The following MEI1 variants were observed in gnomAD, a reference collection of about 807,000 sequenced individuals.
The protein encoded by MEI1 is meiosis inhibitor protein 1.
MEI1 carries 103 observed loss-of-function variants against 146.2 expected under a neutral mutation model. The observed-to-expected ratio is 0.70, with a 90% CI of 0.60 to 0.83. MEI1 has a LOEUF of 0.83. MEI1 is among the 40% of genes least tolerant of loss of function. MEI1 has a pLI of 0.00. For missense variants in MEI1, 1,529 were observed against 1,533.0 expected (o/e 1.00, Z 0.04); for synonymous variants, 652 against 628.2 (o/e 1.04, Z -0.57).
chr22:41,718,222 C>A lies in MEI1; in HGVS notation c.681C>A (p.Phe227Leu). ...GHFREKLFPL[F>L]LSILDGAQTK... is the part of the protein sequence containing the mutation. Reference sequence around the variant, plus strand: ...TCCGTGAGAAGCTTTTTCCCCTCTTCCTTTCCATCCTGGATGGTGCCCAGA... The same window carrying A: ...TCCGTGAGAAGCTTTTTCCCCTCTTACTTTCCATCCTGGATGGTGCCCAGA... The change falls in exon 6 of 31, where the codon TTC (phenylalanine) becomes TTA (leucine). Residue 227 changes from phenylalanine (F) to leucine (L), a missense_variant. Phe to Leu is a conservative substitution (Grantham distance 22, BLOSUM62 0). Transcript: ENST00000401548. 6.2e-7 allele frequency: 1 copy of A among 1,613,970 alleles called. No individual in the cohort carries two copies. The highest frequency in any genetic ancestry group is 2.2e-5 in the East Asian group (1 of 44,886).
chr22:41,770,902 A>G lies in MEI1; in HGVS notation c.2485A>G (p.Ser829Gly), dbSNP rs1238166528. ...TGCTGGGCAGCCCGCCCTTCCTGCC[A>G]GCTTAGTAGTCCTGTTCCAGTTGCT... The part of the protein sequence containing the change: ...TSAGQPALPA[S>G]LVVLFQLLRS... Residue 829 changes from serine to glycine, a missense_variant, in exon 20 of 31, where the codon AGC becomes GGC. Coordinates refer to ENST00000401548, the MANE Select transcript of MEI1 (RefSeq NM_152513.4). 6.2e-6 allele frequency: 10 copies of G among 1,613,920 alleles called. No individual in the cohort carries two copies. Among genetic ancestry groups the G allele is most frequent in the Admixed American group, 1.7e-5 (1 of 60,000 alleles).
intron 6 of MEI1, among the ~76,000 whole-genome samples, chr22:41,719,220 G>A (rs1004559506): frequency 3.3e-5 from 5 of 152,038 alleles, no homozygotes; most frequent in Non-Finnish European, 5.9e-5. Context: ...CTGACCTCGT[G>A]ATCCACCCGC....
chr22:41,745,005 C>T lies in MEI1; in HGVS notation c.1479C>T (p.Ala493=). Residue 493 remains alanine (A), a synonymous_variant, in exon 13 of 31, where the codon GCC becomes GCT. Transcript: ENST00000401548. The stretch of plus-strand genomic sequence containing the variant: ...CCTCCAGTAGAGATTCAGAGAAGGC[C>T]ATTCTTCAAAGGGGAAAGTTCCTCC... ...GHASSRDSEK[A]ILQRGKFLLS... The T allele has an allele frequency of 6.4e-7, 1 of 1,564,730 alleles. No homozygotes were observed. The highest frequency in any genetic ancestry group is 8.7e-7 in the Non-Finnish European group (1 of 1,154,058).
intron 14 of MEI1, among the ~76,000 whole-genome samples, chr22:41,746,336 G>A (rs1418553393): frequency 6.6e-6 from 1 of 152,136 alleles, no homozygotes; most frequent in African/African-American, 2.4e-5. Context: ...CTGGGAGATG[G>A]ATGCTATAAT....
At position 41,721,313 on chromosome 22, in the gene MEI1, C is replaced by T. The variant is rs1424231417; in HGVS notation, c.734-2630C>T. 2.0e-4 allele frequency among the ~76,000 whole-genome samples: 28 copies of T among 142,892 alleles called. 1 individual carries two copies. The highest frequency in any genetic ancestry group is 1.4e-3 in the Admixed American group (19 of 13,796). 93.7% of individuals were successfully genotyped at this position (142,892 alleles called of 152,430 possible). A position where few individuals can be genotyped will look rare whatever the true frequency, so the allele number is the denominator to read the frequency against. ...AGGCTGGAGTGCAATGGCACAATCT[C>T]GGCTCGCTGCAACCTCCGCCTCCCA... On this transcript the variant is annotated intron_variant, in intron 6 of 30. Transcript: ENST00000401548.
At chr22:41,739,213 A>G (rs1456274484) in intron 11 of MEI1, among the ~76,000 whole-genome samples, 1 of 151,950 alleles carries the variant, frequency 6.6e-6, no homozygotes, top group Non-Finnish European at 1.5e-5. Context: ...GACATTATTC[A>G]TTGACTTGCC....
chr22:41,748,679 A>G (rs970094074), intron 15 of MEI1, among the ~76,000 whole-genome samples: 3 of 152,208 alleles, frequency 2.0e-5, no homozygotes, highest in Non-Finnish European at 4.4e-5. Flanking sequence ...GGAATTGTCT[A>G]TTATGATTGT....
At chr22:41,734,851 G>A (rs1443337274) in intron 11 of MEI1, among the ~76,000 whole-genome samples, 3 of 151,944 alleles carry the variant, frequency 2.0e-5, no homozygotes, top group Admixed American at 6.6e-5. Flanking sequence ...TGGCCAGGGT[G>A]GTCTCGAACT....
chr22:41,723,218 GT>G (rs11285552), intron 6 of MEI1, among the ~76,000 whole-genome samples: 121,684 of 146,912 alleles, frequency 0.83, 51,125 homozygotes, highest in African/African-American at 0.95. Context: ...GTCTGACTTG[GT>G]TTTTTTTTTT....
Position 41,794,435 on chromosome 22 carries a change from G to T in MEI1, c.3492G>T (p.Glu1164Asp), listed in dbSNP as rs768434497. 25 of 1,613,886 alleles carry T rather than the reference G, an allele frequency of 1.5e-5. No individual in the cohort carries two copies. Among genetic ancestry groups the T allele is most frequent in the Non-Finnish European group, 2.1e-5 (25 of 1,179,894 alleles). ...TGTTTACCCTCTTGGATGCTGGAGA[G>T]AATTCCTTCCTCAGACCTGAGATTT... ...FLLFTLLDAG[E>D]NSFLRPEILR... The change falls in exon 28 of 31, where the codon GAG becomes GAT. Residue 1164 changes from glutamate (E) to aspartate (D), a missense_variant. By Grantham distance (45) the Glu-to-Asp change is conservative. Transcript: ENST00000401548.
rs945340103 is a variant in MEI1 at position 41,797,420 on chromosome 22, T to G, written c.3779+1573T>G. Among the ~76,000 whole-genome samples, 10 of 151,102 alleles carry G rather than the reference T, an allele frequency of 6.6e-5. No homozygotes were observed. In the East Asian group the frequency reaches 2.0e-3, roughly 31 times the overall value. On this transcript the variant is annotated intron_variant, in intron 30 of 30. Coordinates refer to ENST00000401548, the MANE Select transcript of MEI1 (RefSeq NM_152513.4). Reference sequence around the variant, plus strand: ...TGAGGTCAGGAGTTCAAGACCAGCCTGGCCAACATGGTGAAACCCTGTCTC... The same window carrying G: ...TGAGGTCAGGAGTTCAAGACCAGCCGGGCCAACATGGTGAAACCCTGTCTC...
At chr22:41,765,552 A>G (rs1254032774) in intron 19 of MEI1, among the ~76,000 whole-genome samples, 1 of 152,160 alleles carries the variant, frequency 6.6e-6, no homozygotes, top group African/African-American at 2.4e-5. Context: ...TTTCTACTCA[A>G]TTTTATTTTG....
intron 11 of MEI1, among the ~76,000 whole-genome samples, chr22:41,742,350 A>G (rs896813325): frequency 6.6e-6 from 1 of 152,174 alleles, no homozygotes; most frequent in African/African-American, 2.4e-5. Context: ...CTTATTACTT[A>G]TTGGAAAACA....
intron 11 of MEI1, among the ~76,000 whole-genome samples, chr22:41,739,538 AG>A (rs1188616574): frequency 6.6e-6 from 1 of 151,948 alleles, no homozygotes; most frequent in Non-Finnish European, 1.5e-5. Flanking sequence ...ATTTGACTCT[AG>A]GTTGGTTCTA....
intron 11 of MEI1, among the ~76,000 whole-genome samples, chr22:41,738,257 A>G (rs2072552180): frequency 6.6e-6 from 1 of 152,100 alleles, no homozygotes; most frequent in South Asian, 2.1e-4. Context: ...GATTGAGACC[A>G]TCCTGGCCAA....
chr22:41,736,735 A>G (rs570186723), intron 11 of MEI1, among the ~76,000 whole-genome samples: 1 of 152,112 alleles, frequency 6.6e-6, no homozygotes, highest in South Asian at 2.1e-4. Context: ...GATGTAGGGG[A>G]CCACCTGAAT....
rs950050045 is a variant in MEI1, at chr22:41,794,460, T to C, written c.3517T>C (p.Leu1173=). 1 of 1,613,688 alleles carries C rather than the reference T, an allele frequency of 6.2e-7. No homozygotes were observed. Among genetic ancestry groups the C allele is most frequent in the Non-Finnish European group, 8.5e-7 (1 of 1,179,600 alleles). ...GAATTCCTTCCTCAGACCTGAGATT[T>C]TGAGGCTCATGACCCTGGTAAGTGC... The part of the protein sequence containing the change: ...GENSFLRPEI[L]RLMTLFMRYR... The change falls in exon 28 of 31, where the codon TTG becomes CTG. Residue 1173 remains leucine (L), a synonymous_variant. Transcript: ENST00000401548.
rs150991180 is a variant in MEI1, at chr22:41,748,835, G to A, written c.1792+617G>A. On this transcript the variant is annotated intron_variant, in intron 15 of 30. Coordinates refer to ENST00000401548, the MANE Select transcript of MEI1 (RefSeq NM_152513.4). Reference sequence around the variant, plus strand: ...TTTTTTTTGTCTGAGATTGAGTCTCGCCCTGTTGCCCAGGCTGGAGTGCAG... The same window carrying A: ...TTTTTTTTGTCTGAGATTGAGTCTCACCCTGTTGCCCAGGCTGGAGTGCAG... Among the ~76,000 whole-genome samples, 559 of 149,976 alleles carry A rather than the reference G, an allele frequency of 3.7e-3. 1 individual carries two copies. Among genetic ancestry groups the A allele is most frequent in the African/African-American group, 0.013 (521 of 40,728 alleles).
chr22:41,729,474 C>A (rs866465888), intron 7 of MEI1, among the ~76,000 whole-genome samples, 191 bp from the exon 8 acceptor site: 2 of 152,210 alleles, frequency 1.3e-5, no homozygotes, highest in Non-Finnish European at 2.9e-5. Flanking sequence ...ATTTTTCTCA[C>A]CTGCTGCTGT....
Sources: gnomAD v4.1 joint callset for allele counts (sites outside exome capture counted in the v4.1 genomes callset) on GRCh38, gnomAD v4.1.1 for gene constraint, MANE v1.5 for transcripts, NCBI Gene and HGNC (gene_info 2026-07-23, HGNC 2026-07-21) for gene names.